The following MARCHF4 variants were observed in gnomAD, a reference collection of about 807,000 sequenced individuals.
MARCHF4 encodes the protein membrane associated ring-CH-type finger 4, also known as E3 ubiquitin-protein ligase MARCHF4.
In MARCHF4, 14 loss-of-function variants were observed where a neutral mutation model predicts 43.9. The observed-to-expected ratio is 0.32, with a 90% confidence interval of 0.21 to 0.50. The LOEUF is 0.50. MARCHF4 is among the 20% of genes least tolerant of loss of function. MARCHF4 has a pLI of 0.98. For synonymous variants in MARCHF4, 226 were observed against 213.3 expected, an observed-to-expected ratio of 1.06 and a Z score of -0.52; for missense variants, 468 against 536.7, an observed-to-expected ratio of 0.87 and a Z score of 1.27.
chr2:216,361,924 C>G (rs1335027822), intron 1 of MARCHF4, among the ~76,000 whole-genome samples: 1 of 152,186 alleles, frequency 6.6e-6, no homozygotes, highest in Non-Finnish European at 1.5e-5. Flanking sequence ...GTGCCTAGAT[C>G]TTTAATGCAT....
chr2:216,367,585 CAA>C (rs1195747846), intron 1 of MARCHF4, among the ~76,000 whole-genome samples: 1 of 152,226 alleles, frequency 6.6e-6, no homozygotes, highest in African/African-American at 2.4e-5. Flanking sequence ...ACCCCCAAAA[CAA>C]AATAATCATA....
At chr2:216,281,991 G>C (rs1397366283) in intron 2 of MARCHF4, among the ~76,000 whole-genome samples, 1 of 152,066 alleles carries the variant, frequency 6.6e-6, no homozygotes, top group Non-Finnish European at 1.5e-5. Flanking sequence ...CTTTGGGGTG[G>C]GCTCATGAGT....
chr2:216,366,262 G>C (rs1363076756), intron 1 of MARCHF4, among the ~76,000 whole-genome samples: 1 of 152,148 alleles, frequency 6.6e-6, no homozygotes, highest in East Asian at 1.9e-4. Context: ...CCTCCAACTG[G>C]GTCCATCTGG....
intron 1 of MARCHF4, among the ~76,000 whole-genome samples, chr2:216,286,361 A>G (rs1691218694): frequency 6.6e-6 from 1 of 152,128 alleles, no homozygotes; most frequent in Admixed American, 6.5e-5. Context: ...CAACATGGCG[A>G]AACCCCATCT....
intron 1 of MARCHF4, among the ~76,000 whole-genome samples, chr2:216,302,194 T>C: frequency 6.6e-6 from 1 of 152,184 alleles, no homozygotes; most frequent in Non-Finnish European, 1.5e-5. Context: ...TTTGTTTTTA[T>C]TGTGCATTTT....
At chr2:216,263,876 A>T (rs1200751619) in intron 3 of MARCHF4, among the ~76,000 whole-genome samples, 1 of 152,164 alleles carries the variant, frequency 6.6e-6, no homozygotes, top group Non-Finnish European at 1.5e-5. Context: ...ACCGGCTCAG[A>T]TGTAGGGATG....
chr2:216,295,419 G>A (rs1466132135), intron 1 of MARCHF4, among the ~76,000 whole-genome samples: 2 of 152,170 alleles, frequency 1.3e-5, no homozygotes, highest in Non-Finnish European at 2.9e-5. Context: ...GCACCACCGT[G>A]CCCTAATTCT....
intron 3 of MARCHF4, among the ~76,000 whole-genome samples, chr2:216,268,443 C>T (rs1436942967): frequency 6.6e-6 from 1 of 152,142 alleles, no homozygotes; most frequent in Non-Finnish European, 1.5e-5. Context: ...AGGCGGTTTC[C>T]CCCATGCTGT....
At chr2:216,302,366 C>G (rs1198013810) in intron 1 of MARCHF4, among the ~76,000 whole-genome samples, 2 of 150,448 alleles carry the variant, frequency 1.3e-5, no homozygotes, top group Admixed American at 1.3e-4. Flanking sequence ...CTACAGGCGC[C>G]TGCCACCACG....
intron 1 of MARCHF4, chr2:216,303,739 T>G (rs1490101621): frequency 6.6e-6 from 1 of 152,218 alleles, no homozygotes; most frequent in African/African-American, 2.4e-5. Flanking sequence ...AGCTGCTGTT[T>G]TTCTCGTTGG....
In MARCHF4 at chr2:216,259,598, T is replaced by C; in HGVS notation, c.947A>G (p.Asn316Ser). The C allele has an allele frequency of 1.2e-6, 2 of 1,614,212 alleles. No individual in the cohort carries two copies. The highest frequency in any genetic ancestry group is 1.7e-6 in the Non-Finnish European group (2 of 1,180,024). Residue 316 changes from asparagine to serine, a missense_variant, in exon 4 of 4, where the codon AAC becomes AGC. By Grantham distance (46) the Asn-to-Ser change is conservative (BLOSUM62 1). Around this residue, in one of 3 missense-constraint regions of MARCHF4, gnomAD observed 120 missense variants for 127.1 expected, o/e 0.94. Transcript: ENST00000273067. ...CTCCAGGTCTTTTGTCTTGTCATAG[T>C]TCAGCACTTTCCACTGCTGGTTGAC... ...QAVNQQWKVL[N>S]YDKTKDLEDQ... is the part of the protein sequence containing the mutation.
intron 1 of MARCHF4, among the ~76,000 whole-genome samples, chr2:216,368,938 A>T (rs1280933090): frequency 1.4e-4 from 21 of 152,142 alleles, no homozygotes; most frequent in Non-Finnish European, 1.5e-4. Context: ...AACCTGCCAG[A>T]CTTGGAAAAG....
intron 1 of MARCHF4, 136 bp downstream of exon 1, chr2:216,369,609 A>C: frequency 1.5e-6 from 1 of 669,222 alleles, no homozygotes; most frequent in East Asian, 2.8e-5. Context: ...ACCACAAGAA[A>C]CATCAATGAG....
chr2:216,344,697 T>C (rs1692288575), intron 1 of MARCHF4, among the ~76,000 whole-genome samples: 1 of 151,540 alleles, frequency 6.6e-6, no homozygotes. Context: ...GGAGTAGGCA[T>C]AAGGAGATGA....
intron 1 of MARCHF4, among the ~76,000 whole-genome samples, chr2:216,336,877 C>T (rs1172374950): frequency 6.6e-6 from 1 of 151,392 alleles, no homozygotes; most frequent in Non-Finnish European, 1.5e-5. Context: ...ACAGTCCAGG[C>T]ACAGTGGCTC....
intron 1 of MARCHF4, among the ~76,000 whole-genome samples, chr2:216,334,027 C>A (rs957103341): frequency 2.0e-5 from 3 of 151,884 alleles, no homozygotes; most frequent in Non-Finnish European, 4.4e-5. Flanking sequence ...CATGACCCCC[C>A]AAAGATGCCC....
chr2:216,275,681 A>G lies in MARCHF4; in HGVS notation c.865+1991T>C, dbSNP rs192303674. Among the ~76,000 whole-genome samples, 589 of 152,330 alleles carry G rather than the reference A, an allele frequency of 3.9e-3. 7 individuals carry two copies. The highest frequency in any genetic ancestry group is 3.7e-3 in the Non-Finnish European group (250 of 68,042). ...TCAAATCTGTAGAGCCATTGGTGGT[A>G]GCAGGCATTTATGCTCCTCTCTTTT... On this transcript the variant is annotated intron_variant, in intron 3 of 3. Transcript: ENST00000273067.
chr2:216,325,203 C>G (rs1383514541), intron 1 of MARCHF4, among the ~76,000 whole-genome samples: 1 of 152,190 alleles, frequency 6.6e-6, no homozygotes, highest in African/African-American at 2.4e-5. Flanking sequence ...CATGAGTGAA[C>G]TCCCATTCAC....
At chr2:216,262,622 G>A (rs1343898225) in intron 3 of MARCHF4, among the ~76,000 whole-genome samples, 1 of 152,062 alleles carries the variant, frequency 6.6e-6, no homozygotes, top group Non-Finnish European at 1.5e-5. Context: ...GTGGTTACTA[G>A]CAATTATGAA....
Sources: gnomAD v4.1 joint callset for allele counts (sites outside exome capture counted in the v4.1 genomes callset) on GRCh38, gnomAD v4.1.1 for gene constraint, gnomAD v4.1.1 regional missense constraint, MANE v1.5 for transcripts, NCBI Gene and HGNC (gene_info 2026-07-23, HGNC 2026-07-21) for gene names.